Variants in CNKSR3 observed in about 807,000 individuals in gnomAD.
The protein encoded by CNKSR3 is connector enhancer of kinase suppressor of ras 3.
A neutral mutation model predicts 67.7 loss-of-function variants in CNKSR3; 36 were observed. That is an observed-to-expected ratio of 0.53 (90% CI 0.41 to 0.70). The LOEUF is 0.70. Ranked by LOEUF, CNKSR3 falls within the 30% of genes least tolerant of loss-of-function variation. The pLI is 0.00. For synonymous variants in CNKSR3, 281 were observed against 271.4 expected, an observed-to-expected ratio of 1.04 and a Z score of -0.35; for missense variants, 630 against 695.2, an observed-to-expected ratio of 0.91 and a Z score of 1.05.
intron 1 of CNKSR3, among the ~76,000 whole-genome samples, chr6:154,454,879 A>C (rs1785918810): frequency 6.6e-6 from 1 of 152,148 alleles, no homozygotes; most frequent in Non-Finnish European, 1.5e-5. Flanking sequence ...CTAAAGAGAC[A>C]CAGAAACTCC....
At chr6:154,480,971 CTTAT>C (rs1312913576) in intron 1 of CNKSR3, among the ~76,000 whole-genome samples, 7 of 151,440 alleles carry the variant, frequency 4.6e-5, no homozygotes, top group Admixed American at 1.3e-4. Flanking sequence ...ATTTATTTGG[CTTAT>C]TTATTTATGC....
rs116496899 is a variant in CNKSR3 at position 154,501,896 on chromosome 6, T to A, written c.52+8167A>T. 4.5e-3 allele frequency among the ~76,000 whole-genome samples: 688 copies of A among 152,058 alleles called. 8 individuals are homozygous for A. Among genetic ancestry groups the A allele is most frequent in the African/African-American group, 0.016 (653 of 41,460 alleles). ...AGGGGGAAAGCGTCCAAGGAAACAA[T>A]GAGAAGACCGAAGACGGACTTGATT... On this transcript the variant is annotated intron_variant, in intron 1 of 12. Coordinates refer to ENST00000607772, the MANE Select transcript of CNKSR3 (RefSeq NM_173515.4).
chr6:154,422,860 T>C, intron 8 of CNKSR3, 55 bp downstream of exon 8: 1 of 1,406,400 alleles, frequency 7.1e-7, no homozygotes, highest in African/African-American at 1.5e-5. Context: ...AAAATGGTTT[T>C]AGATTTAATT....
chr6:154,450,826 A>G (rs1322160035), intron 1 of CNKSR3, among the ~76,000 whole-genome samples: 1 of 152,248 alleles, frequency 6.6e-6, no homozygotes, highest in Non-Finnish European at 1.5e-5. Context: ...ATCAGAAGTC[A>G]AAAGATAAAC....
intron 2 of CNKSR3, among the ~76,000 whole-genome samples, chr6:154,444,847 C>T (rs1461727488): frequency 6.6e-6 from 1 of 152,028 alleles, no homozygotes; most frequent in African/African-American, 2.4e-5. Flanking sequence ...CCTCATGATC[C>T]GCCCACCTTG....
At chr6:154,451,561 A>C (rs937611204) in intron 1 of CNKSR3, among the ~76,000 whole-genome samples, 1 of 152,062 alleles carries the variant, frequency 6.6e-6, no homozygotes, top group Non-Finnish European at 1.5e-5. Context: ...ACACACATTT[A>C]TTTCATTTAA....
In CNKSR3 at chr6:154,411,019, G is replaced by A; in HGVS notation, c.1194C>T (p.Thr398=). 2 of 1,614,146 alleles carry A rather than the reference G, an allele frequency of 1.2e-6. No individual in the cohort carries two copies. The highest frequency in any genetic ancestry group is 1.1e-5 in the South Asian group (1 of 91,066). The change falls in exon 11 of 13, where the codon ACC becomes ACT. Residue 398 remains threonine, a synonymous_variant. Transcript: ENST00000607772. ...CAGGCAACTGATCCGAGTCTGCAAT[G>A]GTGAATCTTCGTCTCCGGCTTTCCT... is the stretch of plus-strand genomic sequence containing the variant. ...LDQESRRRRF[T]IADSDQLPGY...
At chr6:154,509,469 C>T (rs1787168853) in intron 1 of CNKSR3, among the ~76,000 whole-genome samples, 1 of 152,234 alleles carries the variant, frequency 6.6e-6, no homozygotes, top group African/African-American at 2.4e-5. Flanking sequence ...AAAGTCACTG[C>T]CTCCCGGGGA....
Position 154,427,163 on chromosome 6 carries a change from T to C in CNKSR3, c.729+965A>G, listed in dbSNP as rs140434674. ...CCAGAACCATGCAATGTATTTATAA[T>C]TCATTGACTGCCTTAAGCAGTATCA... On this transcript the variant is annotated intron_variant, in intron 7 of 12. Transcript: ENST00000607772. Among the ~76,000 whole-genome samples the C allele has an allele frequency of 2.0e-5, 3 of 152,330 alleles. No homozygotes were observed. In the East Asian group the frequency reaches 5.8e-4, roughly 29 times the overall value.
At chr6:154,467,330 T>G (rs1042884981) in intron 1 of CNKSR3, among the ~76,000 whole-genome samples, 4 of 152,178 alleles carry the variant, frequency 2.6e-5, no homozygotes, top group African/African-American at 4.8e-5. Flanking sequence ...AAACAAAGAA[T>G]TTATTCCATC....
chr6:154,424,163 G>A lies in CNKSR3; in HGVS notation c.730-1180C>T, dbSNP rs781672271. Among the ~76,000 whole-genome samples, 6 of 151,340 alleles carry A rather than the reference G, an allele frequency of 4.0e-5. No homozygotes were observed. The East Asian group carries it at 5.8e-4, about 15-fold the overall frequency. On this transcript the variant is annotated intron_variant, in intron 7 of 12. Coordinates refer to ENST00000607772, the MANE Select transcript of CNKSR3 (RefSeq NM_173515.4). ...AGGAGAATGGCGTGAACCCAGGAGC[G>A]GAGCTTGCAGTGAGCCGAGATCGCG...
intron 4 of CNKSR3, among the ~76,000 whole-genome samples, chr6:154,436,227 A>G (rs1398373807): frequency 2.0e-5 from 3 of 152,230 alleles, no homozygotes; most frequent in Non-Finnish European, 2.9e-5. Flanking sequence ...GCTGCAGTGC[A>G]GTGGCATGAA....
chr6:154,480,646 G>C (rs891740147), intron 1 of CNKSR3, among the ~76,000 whole-genome samples: 1 of 152,080 alleles, frequency 6.6e-6, no homozygotes, highest in African/African-American at 2.4e-5. Context: ...CGTGTCCCTG[G>C]TTGCCCACTA....
intron 1 of CNKSR3, among the ~76,000 whole-genome samples, chr6:154,499,385 G>A (rs1175489671): frequency 1.3e-5 from 2 of 152,172 alleles, no homozygotes; most frequent in African/African-American, 4.8e-5. Context: ...TCCCTGAGGA[G>A]TCTGTTAGCT....
At chr6:154,470,799 C>T (rs1227093883) in intron 1 of CNKSR3, among the ~76,000 whole-genome samples, 1 of 152,108 alleles carries the variant, frequency 6.6e-6, no homozygotes, top group African/African-American at 2.4e-5. Context: ...TGGGGATATA[C>T]CTAGGAGTGG....
chr6:154,459,132 G>GAGAGAGAA (rs1554235242), intron 1 of CNKSR3, among the ~76,000 whole-genome samples: 139 of 148,022 alleles, frequency 9.4e-4, no homozygotes, highest in Middle Eastern at 3.4e-3. Context: ...GAAAAAGAGA[G>GAGAGAGAA]AGAAAGAAAG....
At chr6:154,476,029 T>G (rs1009201900) in intron 1 of CNKSR3, among the ~76,000 whole-genome samples, 1 of 152,088 alleles carries the variant, frequency 6.6e-6, no homozygotes, top group African/African-American at 2.4e-5. Flanking sequence ...TAATATCATT[T>G]TTTTTTTTCG....
chr6:154,481,778 CT>C (rs1786572763), intron 1 of CNKSR3, among the ~76,000 whole-genome samples: 1 of 152,234 alleles, frequency 6.6e-6, no homozygotes, highest in South Asian at 2.1e-4. Flanking sequence ...GCATCTTCCT[CT>C]TTTTCTAAAT....
rs117855306 is a variant in CNKSR3, at chr6:154,481,841, G to A, written c.52+28222C>T. ...CATTCCAAGAACATCTTCTACTCCC[G>A]GGACAACTGCCACTGTACTTCAGGG... On this transcript the variant is annotated intron_variant, in intron 1 of 12. Coordinates refer to ENST00000607772, the MANE Select transcript of CNKSR3 (RefSeq NM_173515.4). Among the ~76,000 whole-genome samples, 654 of 152,170 alleles carry A rather than the reference G, an allele frequency of 4.3e-3. 3 individuals carry two copies. Among genetic ancestry groups the A allele is most frequent in the Non-Finnish European group, 7.0e-3 (479 of 68,016 alleles).
Sources: gnomAD v4.1 joint callset for allele counts (sites outside exome capture counted in the v4.1 genomes callset) on GRCh38, gnomAD v4.1.1 for gene constraint, MANE v1.5 for transcripts, NCBI Gene and HGNC (gene_info 2026-07-23, HGNC 2026-07-21) for gene names.